GABRA2: variants seen among roughly 807,000 people sequenced by gnomAD.
GABRA2 encodes the protein gamma-aminobutyric acid type A receptor subunit alpha2.
Under a neutral mutation model 48.7 loss-of-function variants are expected in GABRA2, and 16 were observed. The observed-to-expected ratio is 0.33, with a 90% confidence interval of 0.22 to 0.50. The LOEUF is 0.50. Among genes scored for constraint, GABRA2 ranks in the 20% least tolerant of loss-of-function variants. The probability of loss-of-function intolerance (pLI) is 0.98; values close to 1 mark genes in which losing one functional copy is unlikely to be tolerated. For missense variants in GABRA2, 275 were observed against 535.6 expected, an observed-to-expected ratio of 0.51 and a Z score of 4.80; for synonymous variants, 185 against 184.5, an observed-to-expected ratio of 1.00 and a Z score of -0.02.
chr4:46,329,680 A>T (rs166786), intron 4 of GABRA2, among the ~76,000 whole-genome samples: 62,546 of 151,996 alleles, frequency 0.41, 13,339 homozygotes, highest in East Asian at 0.56. Flanking sequence ...ATCAATGTTT[A>T]AAAAAGAATT....
intron 6 of GABRA2, among the ~76,000 whole-genome samples, chr4:46,307,567 G>A (rs555217818): frequency 1.3e-5 from 2 of 151,984 alleles, no homozygotes; most frequent in East Asian, 3.9e-4. Flanking sequence ...ATACTGATAG[G>A]CAGTGACTCT....
At chr4:46,376,757 TCTCCC>T (rs766261906) in intron 3 of GABRA2, among the ~76,000 whole-genome samples, 19 of 150,436 alleles carry the variant, frequency 1.3e-4, no homozygotes, top group Non-Finnish European at 2.5e-4. Context: ...TCCCTCTCCC[TCTCCC>T]TCTCCCTCTC....
chr4:46,258,767 A>G (rs977254840), intron 9 of GABRA2, among the ~76,000 whole-genome samples: 2 of 151,910 alleles, frequency 1.3e-5, no homozygotes, highest in Non-Finnish European at 2.9e-5. Flanking sequence ...ATTCTGGAGC[A>G]TAACAGTAAA....
At chr4:46,332,458 A>G (rs1048891033) in intron 4 of GABRA2, among the ~76,000 whole-genome samples, 157 bp downstream of exon 4, 1 of 152,038 alleles carries the variant, frequency 6.6e-6, no homozygotes, top group African/African-American at 2.4e-5. Flanking sequence ...AATGGAAACC[A>G]TAGATCCAAA....
chr4:46,280,739 G>A (rs1232653573), intron 8 of GABRA2, among the ~76,000 whole-genome samples: 1 of 152,108 alleles, frequency 6.6e-6, no homozygotes, highest in Non-Finnish European at 1.5e-5. Context: ...TTCTAGAGAT[G>A]GATCCTTTAG....
chr4:46,260,173 G>C (rs1417231610), intron 9 of GABRA2, among the ~76,000 whole-genome samples: 1 of 151,768 alleles, frequency 6.6e-6, no homozygotes, highest in Non-Finnish European at 1.5e-5. Flanking sequence ...GCACTGTGCT[G>C]GACACTCTAG....
chr4:46,290,881 T>C (rs1723490675), intron 8 of GABRA2, among the ~76,000 whole-genome samples: 1 of 152,152 alleles, frequency 6.6e-6, no homozygotes, highest in Admixed American at 6.5e-5. Context: ...TACATTAATG[T>C]GGTATAGTAT....
chr4:46,330,104 G>T (rs1731074822), intron 4 of GABRA2, among the ~76,000 whole-genome samples: 1 of 151,900 alleles, frequency 6.6e-6, no homozygotes, highest in Admixed American at 6.6e-5. Context: ...CAAAGTAAGT[G>T]GTTTTTTATT....
intron 9 of GABRA2, among the ~76,000 whole-genome samples, chr4:46,255,181 C>T (rs567134515): frequency 1.3e-4 from 20 of 151,614 alleles, no homozygotes; most frequent in African/African-American, 4.3e-4. Flanking sequence ...TAGCATAGTT[C>T]CTGGCTCAGA....
At chr4:46,279,834 G>T (rs965896547) in intron 8 of GABRA2, among the ~76,000 whole-genome samples, 3 of 151,866 alleles carry the variant, frequency 2.0e-5, no homozygotes, top group African/African-American at 7.3e-5. Flanking sequence ...AGATTTCTTT[G>T]ATTTTCTTTT....
chr4:46,292,176 A>G (rs1332250298), intron 8 of GABRA2, among the ~76,000 whole-genome samples: 1 of 152,134 alleles, frequency 6.6e-6, no homozygotes, highest in East Asian at 1.9e-4. Context: ...GGCTGCTCCT[A>G]AGTTCACTGG....
chr4:46,336,430 A>T (rs1377863488), intron 3 of GABRA2, among the ~76,000 whole-genome samples: 1 of 152,192 alleles, frequency 6.6e-6, no homozygotes, highest in Non-Finnish European at 1.5e-5. Flanking sequence ...AAGTCTGAAC[A>T]GTTAAGCAGC....
At chr4:46,313,383 A>G (rs1038981005) in intron 4 of GABRA2, among the ~76,000 whole-genome samples, 1 of 152,010 alleles carries the variant, frequency 6.6e-6, no homozygotes, top group African/African-American at 2.4e-5. Context: ...TAATTTCAAT[A>G]AAGTTTATTT....
intron 4 of GABRA2, among the ~76,000 whole-genome samples, chr4:46,325,058 A>G (rs1166638015): frequency 6.6e-6 from 1 of 151,896 alleles, no homozygotes; most frequent in Non-Finnish European, 1.5e-5. Flanking sequence ...TTGGTAGAAC[A>G]ATCTATATTC....
chr4:46,295,509 T>C (rs989382316), intron 8 of GABRA2, among the ~76,000 whole-genome samples: 1 of 152,222 alleles, frequency 6.6e-6, no homozygotes, highest in Non-Finnish European at 1.5e-5. Flanking sequence ...TGATCTTGTC[T>C]ATGGACACCA....
At chr4:46,332,509 A>G (rs912528087) in intron 4 of GABRA2, 106 bp downstream of exon 4, 2 of 685,348 alleles carry the variant, frequency 2.9e-6, no homozygotes, top group Non-Finnish European at 2.6e-6. Context: ...CTAAATAGAC[A>G]TGAGACATAT....
intron 9 of GABRA2, chr4:46,256,177 G>C (rs1715784452): frequency 1.6e-6 from 1 of 625,210 alleles, no homozygotes; most frequent in Non-Finnish European, 2.9e-6. Context: ...CATCCTGACT[G>C]AGAAAAGTGA....
At position 46,312,541 on chromosome 4, in the gene GABRA2, T is replaced by G. The variant is rs1421381201; in HGVS notation, c.431A>C (p.Lys144Thr). 1 of 1,606,322 alleles carries G rather than the reference T, an allele frequency of 6.2e-7. No individual in the cohort carries two copies. Among genetic ancestry groups the G allele is most frequent in the Non-Finnish European group, 8.5e-7 (1 of 1,177,408 alleles). ...CCCATCATCCTGAATTCGAAGCAAC[T>G]TATTTGGCATTGTCATATTATGAGC... is the stretch of plus-strand genomic sequence containing the variant. ...SVAHNMTMPN[K>T]LLRIQDDGTL... Residue 144 changes from lysine to threonine, a missense_variant, in exon 5 of 10, where the codon AAG becomes ACG. Transcript: ENST00000381620.
chr4:46,275,685 C>T (rs777687688), intron 8 of GABRA2, among the ~76,000 whole-genome samples: 2 of 152,098 alleles, frequency 1.3e-5, no homozygotes, highest in Non-Finnish European at 2.9e-5. Flanking sequence ...TTCTATTTCA[C>T]TCTTGTAAGT....
Sources: gnomAD v4.1 joint callset for allele counts (sites outside exome capture counted in the v4.1 genomes callset) on GRCh38, gnomAD v4.1.1 for gene constraint, MANE v1.5 for transcripts, NCBI Gene and HGNC (gene_info 2026-07-23, HGNC 2026-07-21) for gene names.